The following TUT4 variants were observed in gnomAD, a reference collection of about 807,000 sequenced individuals.
TUT4 encodes the protein terminal uridylyltransferase 4.
A neutral mutation model predicts 192.2 loss-of-function variants in TUT4; 36 were observed. The ratio of observed to expected loss-of-function variants is 0.19; its 90% CI spans 0.14 to 0.25. TUT4 has a LOEUF of 0.25. TUT4 is among the 10% of genes least tolerant of loss of function. The probability of loss-of-function intolerance (pLI) is 1.00; values close to 1 mark genes in which losing one functional copy is unlikely to be tolerated. For missense variants in TUT4, 1,493 were observed against 1,957.2 expected (o/e 0.76, Z 4.47); for synonymous variants, 618 against 666.0 (o/e 0.93, Z 1.11).
intron 1 of TUT4, among the ~76,000 whole-genome samples, chr1:52,534,323 G>A (rs1684322117): frequency 6.6e-6 from 1 of 152,018 alleles, no homozygotes; most frequent in Admixed American, 6.5e-5. Flanking sequence ...AGTATAAGCC[G>A]CCTTCTCCAA....
intron 8 of TUT4, among the ~76,000 whole-genome samples, chr1:52,489,870 C>A (rs1230943937): frequency 1.3e-5 from 2 of 152,068 alleles, no homozygotes; most frequent in African/African-American, 4.8e-5. Context: ...TAAGAAAATA[C>A]CTTGATCTTA....
chr1:52,545,203 C>T (rs1317113160), intron 1 of TUT4, among the ~76,000 whole-genome samples: 1 of 151,786 alleles, frequency 6.6e-6, no homozygotes, highest in Non-Finnish European at 1.5e-5. Context: ...TGGTGAAATT[C>T]CGTCTCTACT....
At chr1:52,424,263 T>C in intron 29 of TUT4, 1 of 445,352 alleles carries the variant, frequency 2.2e-6, no homozygotes, top group Non-Finnish European at 4.1e-6. Context: ...TTGCAGACTC[T>C]CCCCTCCTAA....
chr1:52,535,622 G>A (rs1684702971), intron 1 of TUT4, among the ~76,000 whole-genome samples: 1 of 152,212 alleles, frequency 6.6e-6, no homozygotes, highest in South Asian at 2.1e-4. Context: ...AAAAATATTT[G>A]AAGAAACAAT....
At chr1:52,489,120 G>T in intron 8 of TUT4, 85 bp from the exon 9 acceptor site, 2 of 1,377,606 alleles carry the variant, frequency 1.5e-6, no homozygotes, top group South Asian at 1.7e-5. Context: ...TTTCTTTCTA[G>T]TTATCATATT....
At chr1:52,509,963 G>A (rs531038130) in intron 3 of TUT4, among the ~76,000 whole-genome samples, 22 of 152,090 alleles carry the variant, frequency 1.4e-4, no homozygotes, top group African/African-American at 5.3e-4. Context: ...CAATATCATG[G>A]TAATGCTAAA....
intron 14 of TUT4, among the ~76,000 whole-genome samples, chr1:52,469,396 G>C (rs1045712395): frequency 6.6e-6 from 1 of 152,108 alleles, no homozygotes; most frequent in African/African-American, 2.4e-5. Flanking sequence ...AGTTAATAAA[G>C]TTGTTTCCCA....
rs1571287107 is a variant in TUT4, at chr1:52,525,591, T to C, written c.690A>G (p.Ser230=). ...DNTGDSDDSA[S]GIEDVSDDLS... ...AATCGTCCGATACGTCTTCAATTCCTGAAGCACTATCATCAGAATCACCAG... is the reference window on the plus strand; with the variant it reads ...AATCGTCCGATACGTCTTCAATTCCCGAAGCACTATCATCAGAATCACCAG... Residue 230 remains serine, a synonymous_variant, in exon 2 of 30, where the codon TCA becomes TCG. Coordinates refer to ENST00000257177, the MANE Select transcript of TUT4 (RefSeq NM_001009881.3). 6.2e-7 allele frequency: 1 copy of C among 1,611,060 alleles called. No homozygotes were observed. Among genetic ancestry groups the C allele is most frequent in the Non-Finnish European group, 8.5e-7 (1 of 1,178,678 alleles).
chr1:52,546,116 G>A (rs895457220), intron 1 of TUT4, among the ~76,000 whole-genome samples: 1 of 152,102 alleles, frequency 6.6e-6, no homozygotes, highest in Non-Finnish European at 1.5e-5. Flanking sequence ...TCCAGCTTGG[G>A]AGACAGAGCC....
chr1:52,494,769 T>C (rs1672058435), intron 6 of TUT4, among the ~76,000 whole-genome samples: 2 of 152,156 alleles, frequency 1.3e-5, no homozygotes, highest in African/African-American at 4.8e-5. Context: ...CACCAAATTT[T>C]CACCCAAATC....
intron 27 of TUT4, 117 bp from the exon 28 acceptor site, chr1:52,431,577 TAACA>T: frequency 1.2e-6 from 1 of 807,580 alleles, no homozygotes; most frequent in African/African-American, 1.8e-5. Context: ...ATGTATATCA[TAACA>T]AATAATTAGT....
At chr1:52,455,668 G>A (rs1315773461) in intron 20 of TUT4, among the ~76,000 whole-genome samples, 1 of 147,210 alleles carries the variant, frequency 6.8e-6, no homozygotes, top group Non-Finnish European at 1.5e-5. Flanking sequence ...CAGGGGAGGG[G>A]GGGAGAGGGA....
In TUT4 at chr1:52,525,665, G is replaced by A; in HGVS notation, c.616C>T (p.Leu206=). ...IEAVGGEKCA[L]QNSPRSQKQQ... Reference sequence around the variant, plus strand: ...TTCTGAGATCGTGGTGAGTTTTGCAGAGCACATTTTTCTCCCCCTACAGCT... The same window carrying A: ...TTCTGAGATCGTGGTGAGTTTTGCAAAGCACATTTTTCTCCCCCTACAGCT... Residue 206 remains leucine (L), a synonymous_variant, in exon 2 of 30, where the codon CTG becomes TTG. Coordinates refer to ENST00000257177, the MANE Select transcript of TUT4 (RefSeq NM_001009881.3). 6.2e-7 allele frequency: 1 copy of A among 1,614,144 alleles called. No individual in the cohort carries two copies. Among genetic ancestry groups the A allele is most frequent in the Non-Finnish European group, 8.5e-7 (1 of 1,180,018 alleles).
chr1:52,530,268 A>G (rs1022317844), intron 1 of TUT4, among the ~76,000 whole-genome samples: 2 of 151,980 alleles, frequency 1.3e-5, no homozygotes, highest in Non-Finnish European at 1.5e-5. Flanking sequence ...CAAAAAAAAA[A>G]AAAAAAAAAA....
At chr1:52,463,602 AAC>A in intron 16 of TUT4, 1 of 1,285,800 alleles carries the variant, frequency 7.8e-7, no homozygotes, top group Non-Finnish European at 1.0e-6. Context: ...CAATCTTGCA[AAC>A]AGTCCCGCAT....
At chr1:52,515,079 T>C (rs1678369588) in intron 3 of TUT4, 4 of 152,182 alleles carry the variant, frequency 2.6e-5, no homozygotes, top group Admixed American at 2.6e-4. Context: ...GGCCTGGCCG[T>C]GATTTGTGAT....
chr1:52,477,407 T>C (rs1394436743), intron 12 of TUT4, among the ~76,000 whole-genome samples: 3 of 151,940 alleles, frequency 2.0e-5, no homozygotes, highest in Non-Finnish European at 2.9e-5. Context: ...CCCCCATCTC[T>C]ACAAAAAATA....
At chr1:52,527,060 T>A (rs754079492) in intron 1 of TUT4, among the ~76,000 whole-genome samples, 1 of 152,058 alleles carries the variant, frequency 6.6e-6, no homozygotes, top group Non-Finnish European at 1.5e-5. Flanking sequence ...TTATGTGCTA[T>A]AAATGAATCC....
intron 9 of TUT4, among the ~76,000 whole-genome samples, chr1:52,483,329 C>T (rs865956016): frequency 1.1e-4 from 17 of 152,198 alleles, no homozygotes; most frequent in African/African-American, 2.6e-4. Flanking sequence ...TAACCCTTTA[C>T]GTCTGATATA....
Sources: gnomAD v4.1 joint callset for allele counts (sites outside exome capture counted in the v4.1 genomes callset) on GRCh38, gnomAD v4.1.1 for gene constraint, MANE v1.5 for transcripts, NCBI Gene and HGNC (gene_info 2026-07-23, HGNC 2026-07-21) for gene names.